Variants in VWA3B observed in about 807,000 individuals in gnomAD.
The protein encoded by VWA3B is von Willebrand factor A domain containing 3B, also known as von Willebrand factor A domain-containing protein 3B.
In VWA3B, 138 loss-of-function variants were observed where a neutral mutation model predicts 158.3. The ratio of observed to expected loss-of-function variants is 0.87; its 90% CI spans 0.76 to 1.00. VWA3B has a LOEUF of 1.00. Ranked by LOEUF, VWA3B falls within the 50% of genes least tolerant of loss-of-function variation. VWA3B has a pLI of 0.00. For missense variants in VWA3B, 1,555 were observed against 1,565.1 expected (o/e 0.99, Z 0.11); for synonymous variants, 596 against 587.3 (o/e 1.01, Z -0.21).
At chr2:98,146,074 C>A (rs1454706274) in intron 7 of VWA3B, among the ~76,000 whole-genome samples, 1 of 151,882 alleles carries the variant, frequency 6.6e-6, no homozygotes, top group Non-Finnish European at 1.5e-5. Flanking sequence ...TTTCTTGTTG[C>A]CTTTCCGTGT....
chr2:98,191,310 C>T (rs1481451461), intron 10 of VWA3B, among the ~76,000 whole-genome samples: 6 of 152,104 alleles, frequency 3.9e-5, no homozygotes, highest in African/African-American at 1.4e-4. Flanking sequence ...TCATCTGTGT[C>T]ATTTTGGGAT....
At chr2:98,322,558 A>G in the VWA3B span, among the ~76,000 whole-genome samples, 4 of 152,244 alleles carry the variant, frequency 2.6e-5, no homozygotes, top group Non-Finnish European at 4.4e-5. Context: ...GGCAGAAACT[A>G]GAGAGGAATC....
chr2:98,173,043 T>A (rs1454812624), intron 8 of VWA3B, among the ~76,000 whole-genome samples: 1 of 152,220 alleles, frequency 6.6e-6, no homozygotes, highest in Non-Finnish European at 1.5e-5. Flanking sequence ...GCTAGATGTT[T>A]AATAAGTGTA....
intron 23 of VWA3B, chr2:98,290,831 G>A (rs892134934): frequency 2.1e-6 from 1 of 465,506 alleles, no homozygotes; most frequent in African/African-American, 2.1e-5. Context: ...CCAGAAAAAT[G>A]CACTTATTTT....
intron 22 of VWA3B, among the ~76,000 whole-genome samples, chr2:98,277,280 C>G (rs1479397789): frequency 6.6e-6 from 1 of 152,128 alleles, no homozygotes; most frequent in Non-Finnish European, 1.5e-5. Flanking sequence ...CCTCATGTTA[C>G]TGTGATTGCA....
At chr2:98,099,359 T>C (rs1381201263) in intron 2 of VWA3B, 1 of 152,204 alleles carries the variant, frequency 6.6e-6, no homozygotes, top group Non-Finnish European at 1.5e-5. Flanking sequence ...GAATTCTTGA[T>C]TGGCAGGGCT....
chr2:98,235,823 C>A (rs1201974941), intron 17 of VWA3B, among the ~76,000 whole-genome samples: 5 of 152,236 alleles, frequency 3.3e-5, no homozygotes, highest in African/African-American at 1.2e-4. Context: ...AGTTAACTAG[C>A]TCACACCCAA....
chr2:98,261,949 C>G (rs578108207), intron 21 of VWA3B, among the ~76,000 whole-genome samples: 26 of 151,666 alleles, frequency 1.7e-4, no homozygotes, highest in Non-Finnish European at 3.4e-4. Flanking sequence ...GGCAACACTT[C>G]TTATTTTCTA....
intron 20 of VWA3B, 149 bp from the exon 21 acceptor site, chr2:98,255,975 A>T (rs1282778819): frequency 5.3e-6 from 4 of 760,558 alleles, no homozygotes; most frequent in Middle Eastern, 2.5e-4. Flanking sequence ...TGCTGAGGTG[A>T]CACATCCAGT....
chr2:98,312,172 T>A, intron 27 of VWA3B, 28 bp from the exon 28 acceptor site: 5 of 1,614,084 alleles, frequency 3.1e-6, no homozygotes, highest in Non-Finnish European at 4.2e-6. Flanking sequence ...CTAACATCCT[T>A]AAGTAATGCT....
intron 20 of VWA3B, 95 bp from the exon 21 acceptor site, chr2:98,256,029 C>A: frequency 7.2e-7 from 1 of 1,381,480 alleles, no homozygotes; most frequent in Non-Finnish European, 1.0e-6. Flanking sequence ...GGAGATGATG[C>A]TTAGATGGGC....
intron 23 of VWA3B, among the ~76,000 whole-genome samples, chr2:98,292,763 G>A (rs750026905): frequency 9.9e-5 from 15 of 152,012 alleles, no homozygotes; most frequent in Admixed American, 2.6e-4. Flanking sequence ...TCGGGAGTTT[G>A]AGACCAGCCT....
chr2:98,175,801 A>G (rs1364184249), intron 8 of VWA3B, among the ~76,000 whole-genome samples: 1 of 152,234 alleles, frequency 6.6e-6, no homozygotes, highest in Non-Finnish European at 1.5e-5. Flanking sequence ...GGTGCTCCAG[A>G]GAACATTTAC....
At chr2:98,105,653 A>G (rs1003347335) in intron 2 of VWA3B, among the ~76,000 whole-genome samples, 1 of 152,066 alleles carries the variant, frequency 6.6e-6, no homozygotes, top group Non-Finnish European at 1.5e-5. Flanking sequence ...GCTTAAGCCC[A>G]GGGTATCAAG....
chr2:98,098,243 A>G (rs1682848349), intron 2 of VWA3B, among the ~76,000 whole-genome samples: 1 of 152,132 alleles, frequency 6.6e-6, no homozygotes, highest in Non-Finnish European at 1.5e-5. Context: ...TCTAGAGTTC[A>G]GTTTAAATCT....
At chr2:98,222,830 A>C (rs72948990) in intron 14 of VWA3B, among the ~76,000 whole-genome samples, 3,950 of 152,322 alleles carry the variant, frequency 0.026, 157 homozygotes, top group African/African-American at 0.09. Flanking sequence ...GACAAATCTC[A>C]CATGCTAAAT....
chr2:98,193,112 T>G, intron 11 of VWA3B, 76 bp downstream of exon 11: 2 of 1,507,612 alleles, frequency 1.3e-6, no homozygotes, highest in Non-Finnish European at 1.8e-6. Flanking sequence ...AGGGGCTTGT[T>G]GCTCTAAAAA....
chr2:98,198,805 CAA>C (rs777357364), intron 12 of VWA3B, among the ~76,000 whole-genome samples: 25 of 151,980 alleles, frequency 1.6e-4, no homozygotes, highest in Non-Finnish European at 8.8e-5. Flanking sequence ...TTTCACTTAC[CAA>C]AATAACACTT....
chr2:98,259,599 A>T (rs1446371843), intron 21 of VWA3B, among the ~76,000 whole-genome samples: 1 of 151,522 alleles, frequency 6.6e-6, no homozygotes, highest in Non-Finnish European at 1.5e-5. Context: ...GCCTGCTTTC[A>T]CTTCTGATAG....
Sources: allele counts gnomAD v4.1 joint callset (sites outside exome capture counted in the v4.1 genomes callset), GRCh38; gene constraint gnomAD v4.1.1; transcripts MANE v1.5; gene names NCBI Gene and HGNC (gene_info 2026-07-23, HGNC 2026-07-21).